CSGALNACT1: variants seen among roughly 807,000 people sequenced by gnomAD.
The protein encoded by CSGALNACT1 is chondroitin sulfate N-acetylgalactosaminyltransferase 1, also known as beta4GalNAcT-1.
In CSGALNACT1, 52 loss-of-function variants were observed where a neutral mutation model predicts 51.0. That is an observed-to-expected ratio of 1.02 (90% confidence interval 0.82 to 1.29). The LOEUF is 1.29. Ranked by LOEUF, CSGALNACT1 falls within the 50% of genes most tolerant of loss-of-function variation. The pLI, the probability that CSGALNACT1 is intolerant of heterozygous loss-of-function variation, is 0.00. For synonymous variants in CSGALNACT1, 341 were observed against 254.4 expected, an observed-to-expected ratio of 1.34 and a Z score of -3.24; for missense variants, 935 against 679.2, an observed-to-expected ratio of 1.38 and a Z score of -4.19.
rs1374582263 is a variant in CSGALNACT1 at position 19,537,062 on chromosome 8, T to C, written c.-296-30932A>G. Among the ~76,000 whole-genome samples, 6 of 152,200 alleles carry C rather than the reference T, an allele frequency of 3.9e-5. No individual in the cohort carries two copies. In the South Asian group the frequency reaches 1.0e-3, roughly 26 times the overall value. On this transcript the variant is annotated intron_variant, in intron 3 of 9. Transcript: ENST00000454498. ...GAGAAACCTTAAAAATCTGAGTTCC[T>C]AGCCATGACAGCAAGGGAGGTCAGA...
At chr8:19,510,883 A>G (rs1340296940) in intron 3 of CSGALNACT1, among the ~76,000 whole-genome samples, 1 of 152,218 alleles carries the variant, frequency 6.6e-6, no homozygotes, top group African/African-American at 2.4e-5. Flanking sequence ...TAAGACTTAA[A>G]CGAAATGTGG....
Position 19,677,848 on chromosome 8 carries a change from T to C in CSGALNACT1, c.-544+4625A>G, listed in dbSNP as rs1273096330. Among the ~76,000 whole-genome samples, 4 of 152,076 alleles carry C rather than the reference T, an allele frequency of 2.6e-5. No individual in the cohort carries two copies. The South Asian group carries it at 8.3e-4, about 32-fold the overall frequency. ...ATAGGTAGGAATTTTTAGGGAATGT[T>C]AAAGGTCACAGATGACTGCAATTTT... On this transcript the variant is annotated intron_variant, in intron 1 of 9. Transcript: ENST00000332246.
chr8:19,649,819 CA>C (rs57549612), intron 1 of CSGALNACT1, among the ~76,000 whole-genome samples: 2,025 of 29,190 alleles, frequency 0.069, 36 homozygotes, highest in Middle Eastern at 0.14. Context: ...TTCCAAGTAG[CA>C]AAAAAAAAAA....
At chr8:19,676,363 AG>A (rs1281840423) in intron 1 of CSGALNACT1, among the ~76,000 whole-genome samples, 1 of 152,188 alleles carries the variant, frequency 6.6e-6, no homozygotes, top group Non-Finnish European at 1.5e-5. Context: ...CATTCCCAGC[AG>A]GGAAACAGGA....
At position 19,609,662 on chromosome 8, in the gene CSGALNACT1, G is replaced by A. The variant is rs542630098; in HGVS notation, c.-543-7797C>T. On this transcript the variant is annotated intron_variant, in intron 1 of 9. Coordinates refer to the CSGALNACT1 transcript ENST00000332246. Reference sequence around the variant, plus strand: ...TTCACCTGGGGATGGGGGTTGGGGGGTGAGAGGGGCAAAGAAGGACCCAGA... The same window carrying A: ...TTCACCTGGGGATGGGGGTTGGGGGATGAGAGGGGCAAAGAAGGACCCAGA... Among the ~76,000 whole-genome samples the A allele has an allele frequency of 1.2e-4, 18 of 151,606 alleles. No individual in the cohort carries two copies. The South Asian group carries it at 2.7e-3, about 23-fold the overall frequency.
exon 4 of CSGALNACT1, chr8:19,505,805 C>G (rs775732600): frequency 6.2e-7 from 1 of 1,613,174 alleles, no homozygotes; most frequent in Non-Finnish European, 8.5e-7. Context: ...GGGAAATCCA[C>G]GCAAGCAGCC....
exon 5 of CSGALNACT1, chr8:19,458,480 A>C (rs536832454): frequency 6.2e-7 from 1 of 1,614,106 alleles, no homozygotes; most frequent in Non-Finnish European, 8.5e-7. Context: ...TAGAGGCACG[A>C]TAACATTGAT....
chr8:19,694,861 G>A (rs918320670), intron 1 of CSGALNACT1, among the ~76,000 whole-genome samples: 6 of 152,302 alleles, frequency 3.9e-5, no homozygotes, highest in Admixed American at 3.9e-4. Flanking sequence ...ATGATCCAAT[G>A]CACTAATGCA....
In CSGALNACT1 at chr8:19,682,243, G is replaced by A. The variant is rs146585073; in HGVS notation, c.-544+230C>T. Among the ~76,000 whole-genome samples the A allele has an allele frequency of 3.2e-3, 482 of 152,148 alleles. 4 individuals carry two copies. Among genetic ancestry groups the A allele is most frequent in the African/African-American group, 0.011 (460 of 41,500 alleles). ...GAGCCTCTGTTTGTACTCCTGCCTCGGGTCCAGCAAGTGTTAGGAGCGAGC... is the reference window on the plus strand; with the variant it reads ...GAGCCTCTGTTTGTACTCCTGCCTCAGGTCCAGCAAGTGTTAGGAGCGAGC... On this transcript the variant is annotated intron_variant, in intron 1 of 9. Transcript: ENST00000332246.
intron 3 of CSGALNACT1, among the ~76,000 whole-genome samples, chr8:19,513,477 C>A (rs917095083): frequency 4.0e-4 from 42 of 104,994 alleles, no homozygotes; most frequent in Non-Finnish European, 7.0e-4. Context: ...GTGCCATCTG[C>A]CTGCTGTTAA....
chr8:19,705,614 A>G (rs1046716141), intron 1 of CSGALNACT1, among the ~76,000 whole-genome samples: 1 of 152,074 alleles, frequency 6.6e-6, no homozygotes, highest in African/African-American at 2.4e-5. Flanking sequence ...GTGCATGCCC[A>G]TAGTCCCAAC....
intron 3 of CSGALNACT1, among the ~76,000 whole-genome samples, chr8:19,515,545 G>A (rs1409151278): frequency 6.6e-6 from 1 of 152,060 alleles, no homozygotes; most frequent in Non-Finnish European, 1.5e-5. Context: ...ACACATAAGT[G>A]TAAATCAAAA....
chr8:19,665,972 T>C (rs2059147762), intron 1 of CSGALNACT1, among the ~76,000 whole-genome samples: 1 of 152,340 alleles, frequency 6.6e-6, no homozygotes, highest in African/African-American at 2.4e-5. Flanking sequence ...ATCTTTTTTC[T>C]AGTTGAAGAT....
chr8:19,752,921 C>T (rs1259032754), intron 1 of CSGALNACT1, among the ~76,000 whole-genome samples: 1 of 152,180 alleles, frequency 6.6e-6, no homozygotes, highest in Non-Finnish European at 1.5e-5. Flanking sequence ...GCACAACTCC[C>T]AAGTGCTGGT....
intron 3 of CSGALNACT1, among the ~76,000 whole-genome samples, chr8:19,509,678 A>G (rs2078086356): frequency 6.6e-6 from 1 of 151,644 alleles, no homozygotes; most frequent in South Asian, 2.1e-4. Context: ...CACCTTCAGG[A>G]AAAAAACACC....
At chr8:19,683,089 C>T (rs560597101), upstream of CSGALNACT1, 6 of 227,872 alleles carry the variant, frequency 2.6e-5, no homozygotes, top group Non-Finnish European at 4.5e-5. Context: ...CAACTGTGTG[C>T]GATCACAGGA....
Position 19,580,326 on chromosome 8 carries a change from A to C in CSGALNACT1, c.-297+10834T>G, listed in dbSNP as rs114454092. 8.9e-3 allele frequency among the ~76,000 whole-genome samples: 1,354 copies of C among 152,344 alleles called. 17 individuals are homozygous for C. The highest frequency in any genetic ancestry group is 0.03 in the African/African-American group (1,263 of 41,568). On this transcript the variant is annotated intron_variant, in intron 3 of 9. Transcript: ENST00000454498. ...GAAAATAAACAGAAAGCTTCTGCTA[A>C]GAGGCTAAAACGCTAAGCTGACTTT...
chr8:19,485,049 G>A (rs1252863597), intron 4 of CSGALNACT1, among the ~76,000 whole-genome samples: 1 of 152,160 alleles, frequency 6.6e-6, no homozygotes, highest in Non-Finnish European at 1.5e-5. Context: ...AACTTCTCTT[G>A]TCTCAGGCTT....
chr8:19,697,491 T>C (rs950049419), intron 1 of CSGALNACT1, among the ~76,000 whole-genome samples: 2 of 152,102 alleles, frequency 1.3e-5, no homozygotes, highest in African/African-American at 2.4e-5. Flanking sequence ...CCACTACCCT[T>C]GTAAGATGAC....
Sources: gnomAD v4.1 joint callset for allele counts (sites outside exome capture counted in the v4.1 genomes callset) on GRCh38, gnomAD v4.1.1 for gene constraint, MANE v1.5 for transcripts, NCBI Gene and HGNC (gene_info 2026-07-23, HGNC 2026-07-21) for gene names.